The following RNF144A variants were observed in gnomAD, a reference collection of about 807,000 sequenced individuals.
The protein encoded by RNF144A is ring finger protein 144A, also known as E3 ubiquitin-protein ligase RNF144A.
Under a neutral mutation model 38.7 loss-of-function variants are expected in RNF144A, and 11 were observed. That is an observed-to-expected ratio of 0.28 (90% CI 0.18 to 0.47). The LOEUF (loss-of-function observed/expected upper bound fraction) is 0.47. RNF144A is among the 20% of genes least tolerant of loss of function. The pLI, the probability that RNF144A is intolerant of heterozygous loss-of-function variation, is 0.99. For missense variants in RNF144A, 316 were observed against 377.2 expected (o/e 0.84, Z 1.34); for synonymous variants, 149 against 143.9 (o/e 1.04, Z -0.25).
In RNF144A at chr2:7,020,480, G is replaced by A. The variant is rs750483083; in HGVS notation, c.309G>A (p.Leu103=). 1 of 1,613,730 alleles carries A rather than the reference G, an allele frequency of 6.2e-7. No homozygotes were observed. Among genetic ancestry groups the A allele is most frequent in the East Asian group, 2.2e-5 (1 of 44,868 alleles). The change falls in exon 6 of 9, where the codon CTG becomes CTA. Residue 103 remains leucine (L), a synonymous_variant. Coordinates refer to ENST00000320892, the MANE Select transcript of RNF144A (RefSeq NM_014746.6). ...TTTGTCTCACTGTACCAGAGGTGCT[G>A]TTTGATCCCTGTCGGACTTGGTGCC... ...YKKLQFEREV[L]FDPCRTWCPA...
chr2:7,015,775 G>A (rs1377003185), intron 5 of RNF144A, among the ~76,000 whole-genome samples: 5 of 152,082 alleles, frequency 3.3e-5, no homozygotes, highest in Admixed American at 6.6e-5. Flanking sequence ...CCTTGCAGGC[G>A]GATTCTGAGT....
chr2:7,071,380 A>G (rs1674477394), downstream of RNF144A, among the ~76,000 whole-genome samples: 1 of 152,244 alleles, frequency 6.6e-6, no homozygotes, highest in Admixed American at 6.5e-5. Context: ...CTTGATGGTC[A>G]GGGACAAAGC....
chr2:7,014,683 A>G, intron 4 of RNF144A, 29 bp from the exon 5 acceptor site: 7 of 1,583,118 alleles, frequency 4.4e-6, no homozygotes, highest in Non-Finnish European at 6.0e-6. Flanking sequence ...GCTTGTTATC[A>G]TTCCTGTTTG....
rs1398991145 is a variant in RNF144A at position 7,043,512 on chromosome 2, G to A, written c.*3752G>A. 3.7e-5 allele frequency: 36 copies of A among 985,590 alleles called. No homozygotes were observed. Among genetic ancestry groups the A allele is most frequent in the Admixed American group, 6.1e-5 (1 of 16,274 alleles). The allele number at this position is 985,590 out of a possible 1,614,324, so 61.1% of individuals were successfully genotyped here. ...ATCATCAAGGGAAAACATTTTGCAT[G>A]TGTAAAGCTTCATGAAGTTCTCTTT... is the stretch of plus-strand genomic sequence containing the variant. On this transcript the variant is annotated 3_prime_UTR_variant, in exon 9 of 9. Coordinates refer to ENST00000320892, the MANE Select transcript of RNF144A (RefSeq NM_014746.6).
At chr2:7,058,789 T>C (rs1673840977) in intron 6 of RNF144A, among the ~76,000 whole-genome samples, 1 of 152,220 alleles carries the variant, frequency 6.6e-6, no homozygotes, top group African/African-American at 2.4e-5. Context: ...CTCTATAGGT[T>C]TCTTCTCCTA....
the RNF144A span, among the ~76,000 whole-genome samples, chr2:7,074,997 G>C: frequency 6.6e-6 from 1 of 152,110 alleles, no homozygotes; most frequent in Non-Finnish European, 1.5e-5. Context: ...TTTTATTTCT[G>C]TTGCAAATAC....
chr2:7,005,219 T>TCA (rs1670362928), intron 3 of RNF144A, among the ~76,000 whole-genome samples: 1 of 152,186 alleles, frequency 6.6e-6, no homozygotes, highest in Non-Finnish European at 1.5e-5. Context: ...GAAAGCCTAG[T>TCA]ATATGCAGAA....
At chr2:7,065,563 T>G (rs1674178499) in intron 6 of RNF144A, among the ~76,000 whole-genome samples, 1 of 152,258 alleles carries the variant, frequency 6.6e-6, no homozygotes, top group Non-Finnish European at 1.5e-5. Context: ...TTAGTATTAA[T>G]TGTACACTAG....
intron 3 of RNF144A, among the ~76,000 whole-genome samples, chr2:7,002,107 A>G (rs1670146326): frequency 6.6e-6 from 1 of 152,234 alleles, no homozygotes; most frequent in African/African-American, 2.4e-5. Context: ...TGTGTAACAT[A>G]TTAGGAAATA....
At chr2:7,066,339 A>G (rs908842073) in intron 6 of RNF144A, among the ~76,000 whole-genome samples, 14 of 151,952 alleles carry the variant, frequency 9.2e-5, no homozygotes, top group African/African-American at 2.2e-4. Context: ...TGCCCACCTC[A>G]GCCTCCCAAA....
rs187454189 is a variant in RNF144A at position 7,001,228 on chromosome 2, A to T, written c.135+4167A>T. ...GGCAGGAGAATCACTTGAACCCGGG[A>T]GGTGGAGGTTGCAGTGAGCTGAGAT... On this transcript the variant is annotated intron_variant, in intron 3 of 8. Coordinates refer to ENST00000320892, the MANE Select transcript of RNF144A (RefSeq NM_014746.6). Among the ~76,000 whole-genome samples, 593 of 152,100 alleles carry T rather than the reference A, an allele frequency of 3.9e-3. 7 individuals carry two copies. The highest frequency in any genetic ancestry group is 0.014 in the African/African-American group (565 of 41,476).
intron 6 of RNF144A, among the ~76,000 whole-genome samples, chr2:7,057,649 G>A (rs6431844): frequency 0.087 from 13,227 of 152,174 alleles, 1,127 homozygotes; most frequent in East Asian, 0.43. Flanking sequence ...CAGGAGAGAG[G>A]TTCCATTCAT....
At chr2:6,989,382 G>T (rs1007319670) in intron 2 of RNF144A, among the ~76,000 whole-genome samples, 6 of 152,198 alleles carry the variant, frequency 3.9e-5, no homozygotes, top group Admixed American at 2.6e-4. Flanking sequence ...CCAGTGTAAA[G>T]GGATAGTGGC....
chr2:7,000,463 T>C (rs1670027668), intron 3 of RNF144A, among the ~76,000 whole-genome samples: 2 of 152,176 alleles, frequency 1.3e-5, no homozygotes, highest in Non-Finnish European at 2.9e-5. Context: ...ACCTGGGAAA[T>C]TCCTTATGGG....
chr2:7,057,248 T>C (rs947028299), intron 6 of RNF144A, among the ~76,000 whole-genome samples: 19 of 152,222 alleles, frequency 1.2e-4, no homozygotes, highest in African/African-American at 4.3e-4. Context: ...TTATTGATGA[T>C]TAACCTGTTT....
At chr2:6,923,268 C>T (rs2103268981) in intron 1 of RNF144A, among the ~76,000 whole-genome samples, 1 of 152,332 alleles carries the variant, frequency 6.6e-6, no homozygotes, top group Non-Finnish European at 1.5e-5. Context: ...TTCAAACATT[C>T]ACTGAAACGG....
chr2:7,040,824 A>G lies in RNF144A; in HGVS notation c.*1064A>G. On this transcript the variant is annotated 3_prime_UTR_variant, in exon 9 of 9. Transcript: ENST00000320892. ...TAAAATGTTCTAGTCATTTTGAGAA[A>G]TCATATATCTTACACAGTTCCAAGT... The G allele has an allele frequency of 1.0e-6, 1 of 985,468 alleles. No individual in the cohort carries two copies. The highest frequency in any genetic ancestry group is 1.7e-5 in the African/African-American group (1 of 57,376). 61.0% of individuals were successfully genotyped at this position (985,468 alleles called of 1,614,324 possible).
At position 6,929,426 on chromosome 2, in the gene RNF144A, C is replaced by T. The variant is rs370329081; in HGVS notation, c.-211-11522C>T. ...CTGGAGCTAAGCCGTGGGTGTTACT[C>T]ATTTTGAATTTCCAGCACAGGATGT... On this transcript the variant is annotated intron_variant, in intron 1 of 8. Coordinates refer to ENST00000320892, the MANE Select transcript of RNF144A (RefSeq NM_014746.6). Among the ~76,000 whole-genome samples, 22 of 152,312 alleles carry T rather than the reference C, an allele frequency of 1.4e-4. No individual in the cohort carries two copies. The East Asian group carries it at 2.5e-3, about 17-fold the overall frequency.
intron 1 of RNF144A, among the ~76,000 whole-genome samples, chr2:6,922,339 A>G (rs1208717142): frequency 1.3e-5 from 2 of 152,204 alleles, no homozygotes; most frequent in Non-Finnish European, 2.9e-5. Flanking sequence ...GCAAAAGGGA[A>G]GGGTTCCAAG....
Sources: allele counts gnomAD v4.1 joint callset (sites outside exome capture counted in the v4.1 genomes callset), GRCh38; gene constraint gnomAD v4.1.1; transcripts MANE v1.5; gene names NCBI Gene and HGNC (gene_info 2026-07-23, HGNC 2026-07-21).